EYS: variants seen among roughly 807,000 people sequenced by gnomAD.
EYS encodes the protein EGF-like photoreceptor maintenance factor.
Under a neutral mutation model 282.1 loss-of-function variants are expected in EYS, and 250 were observed. The observed-to-expected ratio is 0.89, with a 90% CI of 0.80 to 0.98. The LOEUF is 0.98. EYS is among the 50% of genes least tolerant of loss of function. The probability of loss-of-function intolerance (pLI) is 0.00; values close to 1 mark genes in which losing one functional copy is unlikely to be tolerated. For missense variants in EYS, 4,016 were observed against 3,709.0 expected (o/e 1.08, Z -2.15); for synonymous variants, 1,355 against 1,282.9 (o/e 1.06, Z -1.20).
chr6:64,890,768 A>G (rs188765908), intron 18 of EYS, among the ~76,000 whole-genome samples: 29 of 152,258 alleles, frequency 1.9e-4, no homozygotes, highest in African/African-American at 7.0e-4. Flanking sequence ...TATTATCTCA[A>G]GACTTATGGA....
intron 2 of EYS, among the ~76,000 whole-genome samples, chr6:65,512,582 A>G (rs1012845923): frequency 4.6e-5 from 7 of 152,090 alleles, no homozygotes; most frequent in African/African-American, 1.4e-4. Flanking sequence ...AAATTATAAC[A>G]AACTGTCTCT....
chr6:63,915,669 C>T (rs1764404604), intron 35 of EYS, among the ~76,000 whole-genome samples: 1 of 152,174 alleles, frequency 6.6e-6, no homozygotes, highest in South Asian at 2.1e-4. Flanking sequence ...ACCTATGATT[C>T]ATGGGAGGTG....
intron 19 of EYS, among the ~76,000 whole-genome samples, chr6:64,832,486 T>C (rs538416070): frequency 2.6e-4 from 40 of 151,956 alleles, no homozygotes; most frequent in Non-Finnish European, 5.0e-4. Flanking sequence ...AAATTTCACT[T>C]ATGCAAGATG....
At chr6:65,400,749 G>T in intron 7 of EYS, among the ~76,000 whole-genome samples, 1 of 151,760 alleles carries the variant, frequency 6.6e-6, no homozygotes, top group Admixed American at 6.6e-5. Context: ...ATATGTTCAG[G>T]TAGGGAAACT....
At chr6:64,539,364 A>T (rs970735884) in intron 26 of EYS, among the ~76,000 whole-genome samples, 10 of 152,098 alleles carry the variant, frequency 6.6e-5, no homozygotes, top group Non-Finnish European at 1.3e-4. Flanking sequence ...ACAGGAGTTT[A>T]TGCCAGCCTG....
At chr6:65,144,032 G>A (rs1435129786) in intron 12 of EYS, among the ~76,000 whole-genome samples, 1 of 152,016 alleles carries the variant, frequency 6.6e-6, no homozygotes, top group Non-Finnish European at 1.5e-5. Context: ...TTATTGAAAT[G>A]GGTTGACACA....
intron 31 of EYS, among the ~76,000 whole-genome samples, chr6:64,105,470 G>A (rs1291373197): frequency 3.3e-5 from 5 of 152,000 alleles, no homozygotes; most frequent in Non-Finnish European, 4.4e-5. Context: ...TATAGTTTAC[G>A]TTGGAGTTCA....
At chr6:65,193,249 A>G (rs552768475) in intron 12 of EYS, among the ~76,000 whole-genome samples, 13 of 151,996 alleles carry the variant, frequency 8.6e-5, no homozygotes, top group African/African-American at 2.9e-4. Context: ...ATTTTAAGTA[A>G]ATGCTCAGGT....
At chr6:64,098,366 T>C (rs1046947884) in intron 31 of EYS, among the ~76,000 whole-genome samples, 1 of 152,282 alleles carries the variant, frequency 6.6e-6, no homozygotes, top group Admixed American at 6.5e-5. Context: ...ATTTATATTA[T>C]GGATAAATTT....
intron 12 of EYS, among the ~76,000 whole-genome samples, chr6:65,176,060 TTAAG>T (rs749554945): frequency 1.7e-4 from 26 of 151,576 alleles, no homozygotes; most frequent in African/African-American, 2.4e-4. Context: ...CCTCACATAA[TTAAG>T]TGTGTGTTTG....
intron 5 of EYS, among the ~76,000 whole-genome samples, chr6:65,407,582 G>C (rs1312565222): frequency 2.0e-5 from 3 of 152,040 alleles, no homozygotes; most frequent in Admixed American, 6.6e-5. Context: ...TATACAGAAA[G>C]GCAAATTACT....
chr6:64,406,215 G>T (rs1773701890), intron 28 of EYS, among the ~76,000 whole-genome samples: 1 of 152,136 alleles, frequency 6.6e-6, no homozygotes, highest in African/African-American at 2.4e-5. Context: ...ATAAGGAAAT[G>T]ATTCCCTATT....
At chr6:65,235,178 AGTT>A (rs1443257354) in intron 12 of EYS, among the ~76,000 whole-genome samples, 1 of 152,198 alleles carries the variant, frequency 6.6e-6, no homozygotes, top group East Asian at 1.9e-4. Context: ...AGAATTTTGT[AGTT>A]GTGCTATTAC....
At chr6:64,082,378 T>C (rs1046383207) in intron 31 of EYS, among the ~76,000 whole-genome samples, 4 of 152,178 alleles carry the variant, frequency 2.6e-5, no homozygotes, top group African/African-American at 9.6e-5. Flanking sequence ...TAATTTTTAA[T>C]TTTTGTGTTT....
intron 22 of EYS, among the ~76,000 whole-genome samples, chr6:64,717,027 C>T (rs1335972718): frequency 6.6e-6 from 1 of 152,124 alleles, no homozygotes; most frequent in African/African-American, 2.4e-5. Context: ...GGCTCTTCCC[C>T]CTTTTCAAAG....
chr6:63,851,420 A>G (rs774128128), intron 36 of EYS, among the ~76,000 whole-genome samples: 11 of 152,278 alleles, frequency 7.2e-5, no homozygotes, highest in Non-Finnish European at 1.0e-4. Flanking sequence ...ACATAATTGG[A>G]AGTAAAGCAC....
At chr6:65,325,430 G>C (rs1437641985) in intron 11 of EYS, among the ~76,000 whole-genome samples, 2 of 152,124 alleles carry the variant, frequency 1.3e-5, no homozygotes, top group African/African-American at 4.8e-5. Flanking sequence ...ACTCTGCAAT[G>C]GAGTTGAGAG....
chr6:63,916,056 A>C (rs192032060), intron 35 of EYS, among the ~76,000 whole-genome samples: 1 of 152,382 alleles, frequency 6.6e-6, no homozygotes, highest in African/African-American at 2.4e-5. Context: ...ATCAAACAGC[A>C]TCACATGCTA....
intron 26 of EYS, among the ~76,000 whole-genome samples, chr6:64,484,974 A>G (rs1359906405): frequency 6.6e-6 from 1 of 151,636 alleles, no homozygotes; most frequent in Non-Finnish European, 1.5e-5. Flanking sequence ...ATGATTTTCA[A>G]ACAAAAATGT....
Sources: allele counts gnomAD v4.1 joint callset (sites outside exome capture counted in the v4.1 genomes callset), GRCh38; gene constraint gnomAD v4.1.1; transcripts MANE v1.5; gene names NCBI Gene and HGNC (gene_info 2026-07-23, HGNC 2026-07-21).